The following FAM234B variants were observed in gnomAD, a reference collection of about 807,000 sequenced individuals.
FAM234B encodes the protein protein FAM234B.
A neutral mutation model predicts 69.3 loss-of-function variants in FAM234B; 33 were observed. The ratio of observed to expected loss-of-function variants is 0.48; its 90% CI spans 0.36 to 0.64. The LOEUF (loss-of-function observed/expected upper bound fraction) is 0.64. Among genes scored for constraint, FAM234B ranks in the 30% least tolerant of loss-of-function variants. The pLI is 0.00. For missense variants in FAM234B, 697 were observed against 769.7 expected (o/e 0.91, Z 1.12); for synonymous variants, 306 against 306.9 (o/e 1.00, Z 0.03).
chr12:13,065,507 T>G (rs1865026810), intron 5 of FAM234B, among the ~76,000 whole-genome samples: 1 of 152,232 alleles, frequency 6.6e-6, no homozygotes, highest in East Asian at 1.9e-4. Flanking sequence ...CCAAAGATAA[T>G]AATATTTTTT....
At chr12:13,050,915 A>G (rs899814334) in intron 1 of FAM234B, among the ~76,000 whole-genome samples, 5 of 152,204 alleles carry the variant, frequency 3.3e-5, no homozygotes, top group Non-Finnish European at 7.3e-5. Context: ...AAGATCTGCA[A>G]TATATGTGCA....
chr12:13,064,724 G>A (rs1019015429), intron 5 of FAM234B, among the ~76,000 whole-genome samples: 7 of 152,144 alleles, frequency 4.6e-5, no homozygotes, highest in Admixed American at 2.6e-4. Flanking sequence ...GGTATATAGC[G>A]CAGCAGCTTC....
chr12:13,077,428 C>A (rs992474402), intron 11 of FAM234B, among the ~76,000 whole-genome samples: 2 of 134,630 alleles, frequency 1.5e-5, no homozygotes, highest in African/African-American at 5.5e-5. Flanking sequence ...CCCTCCCCCC[C>A]ACCCCACAAC....
intron 1 of FAM234B, among the ~76,000 whole-genome samples, chr12:13,048,131 G>T (rs974176580): frequency 6.6e-6 from 1 of 152,216 alleles, no homozygotes; most frequent in Non-Finnish European, 1.5e-5. Context: ...CAGAGCGCTT[G>T]TGTGCTTGTC....
chr12:13,080,915 G>T lies in FAM234B; in HGVS notation c.*285G>T, dbSNP rs1865218615. The T allele has an allele frequency of 2.8e-6, 1 of 355,040 alleles. No homozygotes were observed. The highest frequency in any genetic ancestry group is 5.0e-6 in the Non-Finnish European group (1 of 198,984). The allele number at this position is 355,040 out of a possible 1,614,324, so 22.0% of individuals were successfully genotyped here. ...ATCTCTTAAGTATTTAATTTTTTTGGTATGTCTAATTTATGAAGTCTTGCT... is the reference window on the plus strand; with the variant it reads ...ATCTCTTAAGTATTTAATTTTTTTGTTATGTCTAATTTATGAAGTCTTGCT... On this transcript the variant is annotated 3_prime_UTR_variant, in exon 13 of 13. Transcript: ENST00000197268.
At chr12:13,049,085 C>G (rs7294646) in intron 1 of FAM234B, among the ~76,000 whole-genome samples, 79,496 of 152,098 alleles carry the variant, frequency 0.52, 21,648 homozygotes, top group Non-Finnish European at 0.62. Context: ...AAACCACATC[C>G]GCTAATTACT....
At chr12:13,046,203 C>G (rs954473672) in intron 1 of FAM234B, among the ~76,000 whole-genome samples, 15 of 96,690 alleles carry the variant, frequency 1.6e-4, no homozygotes, top group African/African-American at 6.5e-4. Context: ...ATCTCGGAAG[C>G]TAAGCAGGGT....
chr12:13,067,016 C>A lies in FAM234B; in HGVS notation c.1001-139C>A. The stretch of plus-strand genomic sequence containing the variant: ...GTCCAGCACCCACTTAATCACCTCC[C>A]CACTTGTTCCGTGTTGTCCAGTCTG... On this transcript the variant is annotated intron_variant, in intron 6 of 12. Transcript: ENST00000197268. The surrounding 1 kb of genome is among the most constrained non-coding windows in gnomAD (Gnocchi z 4.7). The A allele has an allele frequency of 9.6e-7, 1 of 1,045,204 alleles. No homozygotes were observed. The highest frequency in any genetic ancestry group is 1.4e-6 in the Non-Finnish European group (1 of 712,300). The allele number at this position is 1,045,204 out of a possible 1,614,324, so 64.7% of individuals were successfully genotyped here.
chr12:13,050,720 G>A (rs1308769773), intron 1 of FAM234B, among the ~76,000 whole-genome samples: 1 of 151,872 alleles, frequency 6.6e-6, no homozygotes, highest in African/African-American at 2.4e-5. Flanking sequence ...ATAAAATGGG[G>A]GATAATAATA....
Position 13,068,363 on chromosome 12 carries a change from T to A in FAM234B, c.1202T>A (p.Leu401Gln). 3 of 1,614,230 alleles carry A rather than the reference T, an allele frequency of 1.9e-6. No homozygotes were observed. Among genetic ancestry groups the A allele is most frequent in the Non-Finnish European group, 2.5e-6 (3 of 1,180,036 alleles). The part of the protein sequence containing the change: ...KAPDSNCSNL[L>Q]ITTRQSLVLL... ...CCAGATTCCAACTGCAGCAACCTTC[T>A]GATTACAACCAGACAAAGCCTTGTG... The change falls in exon 8 of 13, where the codon CTG (leucine) becomes CAG (glutamine). Residue 401 changes from leucine to glutamine, a missense_variant. By Grantham distance (113) the Leu-to-Gln change is moderately radical. Around this residue, in one of 3 missense-constraint regions of FAM234B, gnomAD observed 313 missense variants for 305.5 expected, o/e 1.02. Transcript: ENST00000197268.
intron 9 of FAM234B, 21 bp from the exon 10 acceptor site, chr12:13,071,220 T>C (rs1865101833): frequency 5.0e-6 from 8 of 1,613,122 alleles, no homozygotes; most frequent in Non-Finnish European, 6.8e-6. Flanking sequence ...CCATGTTTAC[T>C]GTCTGTCTTC....
rs201210524 is a variant in FAM234B, at chr12:13,049,167, T to C, written c.37+4727T>C. 3.9e-5 allele frequency among the ~76,000 whole-genome samples: 6 copies of C among 152,340 alleles called. No individual in the cohort carries two copies. The East Asian group carries it at 1.2e-3, about 29-fold the overall frequency. ...ATGTGTCTACCTCACATAGTTGTTA[T>C]GAAGATTTACTGAGATAAGAATTTT... On this transcript the variant is annotated intron_variant, in intron 1 of 12. Coordinates refer to ENST00000197268, the MANE Select transcript of FAM234B (RefSeq NM_020853.2).
intron 10 of FAM234B, 103 bp from the exon 11 acceptor site, chr12:13,075,923 G>C (rs969115841): frequency 2.4e-6 from 2 of 831,076 alleles, no homozygotes; most frequent in Non-Finnish European, 4.3e-6. Context: ...CATCTGAGAG[G>C]AATGAGTAAT....
chr12:13,079,675 T>G (rs1704843928), intron 11 of FAM234B, 114 bp from the exon 12 acceptor site: 2 of 702,164 alleles, frequency 2.8e-6, no homozygotes, highest in South Asian at 3.6e-5. Flanking sequence ...CAGTGCTCAG[T>G]ACATTTCCTG....
intron 10 of FAM234B, among the ~76,000 whole-genome samples, chr12:13,075,610 C>CTTTTTTTTTTTT (rs5796522): frequency 3.3e-5 from 4 of 122,886 alleles, no homozygotes; most frequent in African/African-American, 3.1e-5. Context: ...TTTTTTTTCT[C>CTTTTTTTTTTTT]TTTTTTTTTT....
chr12:13,050,632 G>C (rs1376604781), intron 1 of FAM234B, among the ~76,000 whole-genome samples: 1 of 151,994 alleles, frequency 6.6e-6, no homozygotes, highest in Non-Finnish European at 1.5e-5. Context: ...CAGATGCCTG[G>C]GTTTGAATCC....
At chr12:13,059,627 C>T (rs975755778) in intron 3 of FAM234B, among the ~76,000 whole-genome samples, 2 of 152,138 alleles carry the variant, frequency 1.3e-5, no homozygotes, top group African/African-American at 4.8e-5. Context: ...TTTAAGTCGT[C>T]TAGGCCTTGG....
intron 5 of FAM234B, among the ~76,000 whole-genome samples, 173 bp downstream of exon 5, chr12:13,063,148 A>G (rs927284413): frequency 1.3e-5 from 2 of 152,210 alleles, no homozygotes; most frequent in East Asian, 1.9e-4. Flanking sequence ...TTATGAACCC[A>G]TTTTCTCTGG....
At chr12:13,053,607 C>T (rs1028952503) in intron 1 of FAM234B, among the ~76,000 whole-genome samples, 1 of 152,056 alleles carries the variant, frequency 6.6e-6, no homozygotes, top group Non-Finnish European at 1.5e-5. Flanking sequence ...ACAAAGATCA[C>T]GTGCTTCAAA....
Sources: gnomAD v4.1 joint callset for allele counts (sites outside exome capture counted in the v4.1 genomes callset) on GRCh38, gnomAD v4.1.1 for gene constraint, gnomAD v4.1.1 regional missense constraint, Gnocchi (gnomAD v3.1) non-coding constraint, MANE v1.5 for transcripts, NCBI Gene and HGNC (gene_info 2026-07-23, HGNC 2026-07-21) for gene names.